ENTREP1: variants seen among roughly 807,000 people sequenced by gnomAD.
ENTREP1 encodes endosomal transmembrane epsin interactor 1, also known as Friedreich ataxia region gene X123.
chr9:69,330,635 T>C, the ENTREP1 span, among the ~76,000 whole-genome samples: 2 of 152,232 alleles, frequency 1.3e-5, no homozygotes, highest in African/African-American at 4.8e-5. Flanking sequence ...ATAGTAAATA[T>C]TTTTTATCAT....
At chr9:69,355,224 C>T in the ENTREP1 span, among the ~76,000 whole-genome samples, 568 of 152,262 alleles carry the variant, frequency 3.7e-3, 6 homozygotes, top group African/African-American at 0.013. Context: ...TTAAGCCCTC[C>T]CAGAAAAGTA....
chr9:69,376,555 T>C, the ENTREP1 span, among the ~76,000 whole-genome samples: 1 of 152,204 alleles, frequency 6.6e-6, no homozygotes, highest in South Asian at 2.1e-4. Flanking sequence ...GTATGGCTTT[T>C]TGAGAGTCCA....
chr9:69,333,929 G>T, the ENTREP1 span, among the ~76,000 whole-genome samples: 1 of 152,168 alleles, frequency 6.6e-6, no homozygotes, highest in Non-Finnish European at 1.5e-5. Flanking sequence ...ACAAGCATAC[G>T]TGCCTACACC....
At chr9:69,376,926 C>T in the ENTREP1 span, among the ~76,000 whole-genome samples, 2 of 152,170 alleles carry the variant, frequency 1.3e-5, no homozygotes, top group Non-Finnish European at 2.9e-5. Flanking sequence ...GCCAATTGCT[C>T]TTGAAATAGA....
the ENTREP1 span, among the ~76,000 whole-genome samples, chr9:69,327,208 T>C: frequency 6.6e-6 from 1 of 152,282 alleles, no homozygotes; most frequent in East Asian, 1.9e-4. Flanking sequence ...GTGAAAGCCA[T>C]GATTTGTGCC....
the ENTREP1 span, among the ~76,000 whole-genome samples, chr9:69,340,781 G>GTGTA: frequency 6.9e-6 from 1 of 145,054 alleles, no homozygotes; most frequent in African/African-American, 2.7e-5. Flanking sequence ...GTGTGTATGT[G>GTGTA]TGTGTGCATG....
chr9:69,377,049 C>T, the ENTREP1 span, among the ~76,000 whole-genome samples: 1 of 152,268 alleles, frequency 6.6e-6, no homozygotes, highest in East Asian at 1.9e-4. Context: ...GCTCACTGCT[C>T]TCCTGGAAGG....
chr9:69,336,280 A>T, the ENTREP1 span: 1 of 1,550,446 alleles, frequency 6.4e-7, no homozygotes, highest in Non-Finnish European at 8.9e-7. Context: ...GTATGTACTG[A>T]TCTTATAAAT....
the ENTREP1 span, among the ~76,000 whole-genome samples, chr9:69,390,593 T>G: frequency 6.6e-6 from 1 of 152,362 alleles, no homozygotes. Flanking sequence ...TTATATTGTT[T>G]ATTAAAGGAT....
At chr9:69,387,822 C>A in the ENTREP1 span, 1 of 1,132,164 alleles carries the variant, frequency 8.8e-7, no homozygotes, top group Non-Finnish European at 1.1e-6. Flanking sequence ...TCCTGCTTGG[C>A]CCATCCATCC....
At chr9:69,369,371 T>TG in the ENTREP1 span, among the ~76,000 whole-genome samples, 6 of 152,262 alleles carry the variant, frequency 3.9e-5, no homozygotes, top group Admixed American at 3.9e-4. Context: ...CTGGGTCAAA[T>TG]GGAATTTCTG....
the ENTREP1 span, among the ~76,000 whole-genome samples, chr9:69,335,011 C>T: frequency 1.2e-4 from 19 of 152,220 alleles, no homozygotes; most frequent in East Asian, 3.9e-4. Context: ...CCACCTGCCT[C>T]GGCCTCCCAA....
chr9:69,354,098 T>G, the ENTREP1 span, among the ~76,000 whole-genome samples: 31 of 152,170 alleles, frequency 2.0e-4, no homozygotes, highest in Admixed American at 1.8e-3. Context: ...AAAAGATACA[T>G]AATTTGTCAG....
the ENTREP1 span, among the ~76,000 whole-genome samples, chr9:69,326,116 AT>A: frequency 1.3e-5 from 2 of 152,100 alleles, no homozygotes; most frequent in African/African-American, 2.4e-5. Context: ...GATTTTGATC[AT>A]TTTTGTTCAC....
the ENTREP1 span, chr9:69,383,571 C>T: frequency 1.2e-6 from 2 of 1,605,962 alleles, no homozygotes; most frequent in East Asian, 4.5e-5. Context: ...CCGGGCATCA[C>T]TGCAGTCACG....
the ENTREP1 span, chr9:69,377,304 T>A: frequency 1.0e-6 from 1 of 960,062 alleles, no homozygotes. Context: ...TTTTAAAGAT[T>A]TTCTACATTG....
chr9:69,383,546 G>T, the ENTREP1 span: 2 of 1,583,512 alleles, frequency 1.3e-6, no homozygotes, highest in South Asian at 2.4e-5. Flanking sequence ...CCACAGTTTA[G>T]AGCAAAGCCA....
chr9:69,363,487 G>A, the ENTREP1 span, among the ~76,000 whole-genome samples: 1 of 152,186 alleles, frequency 6.6e-6, no homozygotes, highest in Non-Finnish European at 1.5e-5. Flanking sequence ...ATTGACAAGT[G>A]GTTAGTAAAG....
the ENTREP1 span, chr9:69,392,213 C>T: frequency 4.8e-6 from 1 of 208,590 alleles, no homozygotes; most frequent in South Asian, 1.0e-4. Flanking sequence ...TGCCTTTGGC[C>T]TTTCACTGCT....
Sources: allele counts gnomAD v4.1 joint callset (sites outside exome capture counted in the v4.1 genomes callset), GRCh38; gene constraint gnomAD v4.1.1; transcripts MANE v1.5; gene names NCBI Gene and HGNC (gene_info 2026-07-23, HGNC 2026-07-21).